PHF14: variants seen among roughly 807,000 people sequenced by gnomAD.
The protein encoded by PHF14 is PHD finger protein 14.
A neutral mutation model predicts 117.9 loss-of-function variants in PHF14; 55 were observed. That is an observed-to-expected ratio of 0.47 (90% CI 0.38 to 0.58). PHF14 has a LOEUF of 0.58. PHF14 is among the 20% of genes least tolerant of loss of function. PHF14 has a pLI of 0.00. For missense variants in PHF14, 978 were observed against 1,122.2 expected (o/e 0.87, Z 1.84); for synonymous variants, 409 against 368.6 (o/e 1.11, Z -1.26).
At chr7:10,999,355 G>A (rs932569616) in intron 4 of PHF14, among the ~76,000 whole-genome samples, 1 of 152,086 alleles carries the variant, frequency 6.6e-6, no homozygotes, top group African/African-American at 2.4e-5. Flanking sequence ...TGCTTTGAGG[G>A]TACTGTCTCT....
chr7:11,072,047 T>C (rs541600102), intron 16 of PHF14, among the ~76,000 whole-genome samples: 1 of 152,338 alleles, frequency 6.6e-6, no homozygotes, highest in Admixed American at 6.5e-5. Context: ...TAGTCCATTC[T>C]TGCATAGCTG....
chr7:11,144,512 A>G (rs1788492740), intron 17 of PHF14, among the ~76,000 whole-genome samples: 1 of 150,930 alleles, frequency 6.6e-6, no homozygotes, highest in Middle Eastern at 3.5e-3. Context: ...TTATTGCAGC[A>G]TTATAATTAA....
chr7:11,066,434 C>T (rs1489186345), intron 16 of PHF14, among the ~76,000 whole-genome samples: 1 of 152,120 alleles, frequency 6.6e-6, no homozygotes, highest in East Asian at 1.9e-4. Flanking sequence ...TCTGTTCTAA[C>T]TAGTATGGAG....
intron 4 of PHF14, among the ~76,000 whole-genome samples, chr7:11,009,803 C>G (rs1378785830): frequency 1.3e-5 from 2 of 152,164 alleles, no homozygotes; most frequent in Non-Finnish European, 2.9e-5. Context: ...TACAGACTTG[C>G]TGGTTGTTCT....
intron 4 of PHF14, among the ~76,000 whole-genome samples, chr7:10,991,728 G>A (rs1290962413): frequency 7.2e-6 from 1 of 137,962 alleles, no homozygotes; most frequent in African/African-American, 2.7e-5. Flanking sequence ...ACTGTTTCTT[G>A]TTTGTTTTTT....
chr7:11,043,409 T>G (rs1385861656), intron 13 of PHF14, among the ~76,000 whole-genome samples: 1 of 152,082 alleles, frequency 6.6e-6, no homozygotes. Context: ...CAGATTTTAA[T>G]AGAATGATTT....
chr7:11,063,755 A>G, intron 16 of PHF14: 6 of 794,930 alleles, frequency 7.5e-6, no homozygotes, highest in Non-Finnish European at 9.1e-6. Flanking sequence ...TTTCCAACCC[A>G]TCATATTTTA....
intron 17 of PHF14, among the ~76,000 whole-genome samples, chr7:11,155,481 C>G (rs1215416527): frequency 1.3e-5 from 2 of 152,174 alleles, no homozygotes; most frequent in Non-Finnish European, 2.9e-5. Flanking sequence ...CTTTGGCTGA[C>G]TTACCCTTCC....
chr7:11,144,721 A>T (rs892655882), intron 17 of PHF14, among the ~76,000 whole-genome samples: 5 of 151,654 alleles, frequency 3.3e-5, no homozygotes, highest in Admixed American at 6.6e-5. Context: ...GAGGATTTTG[A>T]ATGTTCGTAA....
intron 17 of PHF14, among the ~76,000 whole-genome samples, chr7:11,114,159 T>C (rs1311435157): frequency 1.3e-5 from 2 of 152,168 alleles, no homozygotes; most frequent in Non-Finnish European, 2.9e-5. Context: ...GCGGTAGTCA[T>C]GTTGTTAAGT....
At chr7:11,052,656 G>C (rs1276442198) in intron 14 of PHF14, among the ~76,000 whole-genome samples, 6 of 152,132 alleles carry the variant, frequency 3.9e-5, no homozygotes, top group Non-Finnish European at 7.4e-5. Context: ...TTCCAGTGTG[G>C]TACAGGGAAA....
intron 17 of PHF14, among the ~76,000 whole-genome samples, chr7:11,146,366 T>A (rs1482879447): frequency 6.6e-6 from 1 of 152,178 alleles, no homozygotes; most frequent in Non-Finnish European, 1.5e-5. Context: ...CTTCAGAGAC[T>A]CTAACCTTAT....
chr7:10,998,588 G>C (rs909073021), intron 4 of PHF14, among the ~76,000 whole-genome samples: 1 of 152,286 alleles, frequency 6.6e-6, no homozygotes, highest in Non-Finnish European at 1.5e-5. Context: ...AGTAAACATG[G>C]TTGAATATAT....
At position 10,974,170 on chromosome 7, in the gene PHF14, TC is replaced by T; in HGVS notation, c.-153del. The stretch of plus-strand genomic sequence containing the variant: ...GGGGGTTAGGGGACCGCGGGGCTAC[TC>T]TTGGGAGCGCCCCTGTCCGGCTGGC... On this transcript the variant is annotated 5_prime_UTR_variant, in exon 1 of 18. Transcript: ENST00000634607. 1.5e-6 allele frequency: 1 copy of T among 680,520 alleles called. No individual in the cohort carries two copies. The highest frequency in any genetic ancestry group is 2.8e-5 in the East Asian group (1 of 35,598). 42.2% of individuals were successfully genotyped at this position (680,520 alleles called of 1,614,324 possible).
At position 11,047,476 on chromosome 7, in the gene PHF14, T is replaced by C. The variant is rs114186887; in HGVS notation, c.2313-4136T>C. ...CTGATTATAGGTTGTAGTTGTATGG[T>C]GCTAGAAACATATAGAAGGTATAGA... On this transcript the variant is annotated intron_variant, in intron 13 of 17. Coordinates refer to ENST00000634607, the MANE Select transcript of PHF14 (RefSeq NM_001007157.2). Among the ~76,000 whole-genome samples, 596 of 151,986 alleles carry C rather than the reference T, an allele frequency of 3.9e-3. 5 individuals carry two copies. Among genetic ancestry groups the C allele is most frequent in the African/African-American group, 0.014 (574 of 41,472 alleles).
At chr7:11,034,389 A>G (rs1298769052) in intron 7 of PHF14, among the ~76,000 whole-genome samples, 4 of 152,022 alleles carry the variant, frequency 2.6e-5, no homozygotes, top group African/African-American at 4.8e-5. Flanking sequence ...TTTTGATAGA[A>G]TAAATATTCT....
At chr7:11,128,604 A>G (rs1241206788) in intron 17 of PHF14, among the ~76,000 whole-genome samples, 2 of 151,946 alleles carry the variant, frequency 1.3e-5, no homozygotes, top group Non-Finnish European at 2.9e-5. Flanking sequence ...TCTATACTAT[A>G]GTATAGACAT....
chr7:11,039,660 G>C (rs901903131), intron 11 of PHF14, among the ~76,000 whole-genome samples: 1 of 152,168 alleles, frequency 6.6e-6, no homozygotes, highest in African/African-American at 2.4e-5. Flanking sequence ...GGTTTATGGA[G>C]AGTCAAATTC....
At chr7:11,118,599 G>T (rs1787664709) in intron 17 of PHF14, among the ~76,000 whole-genome samples, 13 of 151,512 alleles carry the variant, frequency 8.6e-5, no homozygotes, top group Admixed American at 8.6e-4. Flanking sequence ...CATCATTATT[G>T]CCTGGTCAAG....
Sources: allele counts gnomAD v4.1 joint callset (sites outside exome capture counted in the v4.1 genomes callset), GRCh38; gene constraint gnomAD v4.1.1; transcripts MANE v1.5; gene names NCBI Gene and HGNC (gene_info 2026-07-23, HGNC 2026-07-21).